LRMDA: variants seen among roughly 807,000 people sequenced by gnomAD.
LRMDA encodes leucine-rich melanocyte differentiation-associated protein.
Under a neutral mutation model 29.8 loss-of-function variants are expected in LRMDA, and 18 were observed. That is an observed-to-expected ratio of 0.60 (90% CI 0.42 to 0.90). The LOEUF (loss-of-function observed/expected upper bound fraction) is 0.90, where lower values mean the gene tolerates loss of function less well. LRMDA is among the 40% of genes least tolerant of loss of function. The probability of loss-of-function intolerance (pLI) is 0.00; values close to 1 mark genes in which losing one functional copy is unlikely to be tolerated. For synonymous variants in LRMDA, 125 were observed against 109.4 expected, an observed-to-expected ratio of 1.14 and a Z score of -0.89; for missense variants, 273 against 273.9, an observed-to-expected ratio of 1.00 and a Z score of 0.02.
intron 5 of LRMDA, among the ~76,000 whole-genome samples, chr10:76,069,241 AC>A (rs1297073192): frequency 6.6e-6 from 1 of 152,214 alleles, no homozygotes; most frequent in African/African-American, 2.4e-5. Flanking sequence ...GTGCCATTTC[AC>A]AAGCATGATG....
At chr10:75,652,762 A>G (rs1043141647) in intron 2 of LRMDA, among the ~76,000 whole-genome samples, 2 of 152,188 alleles carry the variant, frequency 1.3e-5, no homozygotes, top group African/African-American at 4.8e-5. Flanking sequence ...TCCAGGAAGC[A>G]TTCTGTGAAA....
At chr10:76,375,892 T>C (rs1355460733) in intron 6 of LRMDA, among the ~76,000 whole-genome samples, 1 of 152,126 alleles carries the variant, frequency 6.6e-6, no homozygotes, top group African/African-American at 2.4e-5. Context: ...TGTGTTGTAA[T>C]GGTTGAAAGC....
intron 2 of LRMDA, among the ~76,000 whole-genome samples, chr10:75,523,748 C>T (rs1345779114): frequency 6.6e-6 from 1 of 152,172 alleles, no homozygotes; most frequent in Non-Finnish European, 1.5e-5. Context: ...AAGTTCAGTT[C>T]AAGTCCAGGG....
intron 2 of LRMDA, 50 bp from the exon 3 acceptor site, chr10:76,035,958 C>T: frequency 6.3e-7 from 1 of 1,589,568 alleles, no homozygotes; most frequent in Non-Finnish European, 8.6e-7. Flanking sequence ...TCATAATGGC[C>T]TCCCTGATTT....
At chr10:75,572,233 T>C (rs1840445971) in intron 2 of LRMDA, among the ~76,000 whole-genome samples, 1 of 152,212 alleles carries the variant, frequency 6.6e-6, no homozygotes, top group Admixed American at 6.5e-5. Context: ...ATTATGGGCA[T>C]GAGCCACCGT....
At chr10:75,672,681 C>T (rs1480927929) in intron 2 of LRMDA, among the ~76,000 whole-genome samples, 1 of 146,272 alleles carries the variant, frequency 6.8e-6, no homozygotes, top group African/African-American at 2.6e-5. Context: ...CTGGTTCGAG[C>T]GATTTTCCCA....
chr10:76,134,015 C>T (rs151219354), intron 5 of LRMDA, among the ~76,000 whole-genome samples: 424 of 152,292 alleles, frequency 2.8e-3, no homozygotes, highest in African/African-American at 9.7e-3. Context: ...TCCTCACCTC[C>T]CCCACCCCCA....
At chr10:75,792,133 T>G (rs1843578029) in intron 2 of LRMDA, among the ~76,000 whole-genome samples, 1 of 152,000 alleles carries the variant, frequency 6.6e-6, no homozygotes, top group African/African-American at 2.4e-5. Flanking sequence ...GCTGCGGGCG[T>G]GAGCCACCTT....
intron 2 of LRMDA, among the ~76,000 whole-genome samples, chr10:75,848,968 A>G (rs551915351): frequency 6.6e-6 from 1 of 152,248 alleles, no homozygotes; most frequent in East Asian, 1.9e-4. Context: ...GGTTTGACCA[A>G]TGGGAGGCCC....
intron 5 of LRMDA, among the ~76,000 whole-genome samples, chr10:76,264,739 C>T (rs1033798899): frequency 1.3e-5 from 2 of 152,168 alleles, no homozygotes; most frequent in Admixed American, 6.5e-5. Context: ...TATTTTCAGG[C>T]ACCTTTGTGA....
chr10:76,205,815 G>A lies in LRMDA; in HGVS notation c.517-118586G>A, dbSNP rs142049335. Among the ~76,000 whole-genome samples, 37 of 152,134 alleles carry A rather than the reference G, an allele frequency of 2.4e-4. 1 individual carries two copies. Among genetic ancestry groups the A allele is most frequent in the African/African-American group, 8.9e-4 (37 of 41,478 alleles). ...GCCTTCCTGTTGTGAAGTAACTCTT[G>A]GGGGAAGTTGGCTGGTGGTAGGATA... On this transcript the variant is annotated intron_variant, in intron 5 of 6. Coordinates refer to ENST00000611255, the MANE Select transcript of LRMDA (RefSeq NM_001305581.2).
At chr10:76,280,040 T>G (rs976787667) in intron 5 of LRMDA, among the ~76,000 whole-genome samples, 1 of 152,178 alleles carries the variant, frequency 6.6e-6, no homozygotes, top group African/African-American at 2.4e-5. Context: ...TGAAATTAGA[T>G]GTTTAGGCAA....
chr10:75,941,887 T>C (rs1032364357), intron 2 of LRMDA, among the ~76,000 whole-genome samples: 24 of 152,212 alleles, frequency 1.6e-4, no homozygotes, highest in Non-Finnish European at 2.4e-4. Context: ...CACCAACTCC[T>C]TCTAGGCTCC....
intron 2 of LRMDA, among the ~76,000 whole-genome samples, chr10:75,923,299 A>G (rs1345932026): frequency 2.6e-5 from 4 of 152,252 alleles, no homozygotes; most frequent in African/African-American, 9.6e-5. Context: ...GTGTGAAACA[A>G]AAATTCAACT....
chr10:75,933,703 A>C (rs1846240969), intron 2 of LRMDA, among the ~76,000 whole-genome samples: 1 of 152,164 alleles, frequency 6.6e-6, no homozygotes, highest in Non-Finnish European at 1.5e-5. Context: ...TTGGTGAGAC[A>C]GGTGGGAGGG....
At chr10:76,226,946 C>G (rs951585127) in intron 5 of LRMDA, among the ~76,000 whole-genome samples, 1 of 152,114 alleles carries the variant, frequency 6.6e-6, no homozygotes, top group Non-Finnish European at 1.5e-5. Context: ...CAGATTTTAA[C>G]GTATACTGAT....
intron 5 of LRMDA, among the ~76,000 whole-genome samples, chr10:76,234,842 C>T (rs1852122652): frequency 6.6e-6 from 1 of 152,196 alleles, no homozygotes; most frequent in Admixed American, 6.5e-5. Context: ...AAGGAAATGT[C>T]ATGGTTGGTT....
chr10:76,254,558 A>G (rs938892780), intron 5 of LRMDA, among the ~76,000 whole-genome samples: 4 of 152,182 alleles, frequency 2.6e-5, no homozygotes, highest in Admixed American at 1.3e-4. Flanking sequence ...CATATCTTCC[A>G]TACCACCAAT....
At chr10:75,473,467 A>T (rs183506461) in intron 2 of LRMDA, among the ~76,000 whole-genome samples, 17 of 152,308 alleles carry the variant, frequency 1.1e-4, no homozygotes, top group Non-Finnish European at 2.4e-4. Flanking sequence ...CTACATCAGG[A>T]TCTCCCAGAG....
Sources: gnomAD v4.1 joint callset for allele counts (sites outside exome capture counted in the v4.1 genomes callset) on GRCh38, gnomAD v4.1.1 for gene constraint, MANE v1.5 for transcripts, NCBI Gene and HGNC (gene_info 2026-07-23, HGNC 2026-07-21) for gene names.